The following LPIN2 variants were observed in gnomAD, a reference collection of about 807,000 sequenced individuals.
LPIN2 encodes the protein lipin 2, also known as phosphatidate phosphatase LPIN2.
LPIN2 carries 55 observed loss-of-function variants against 111.4 expected under a neutral mutation model. That is an observed-to-expected ratio of 0.49 (90% CI 0.40 to 0.62). LPIN2 has a LOEUF of 0.62. Ranked by LOEUF, LPIN2 falls within the 20% of genes least tolerant of loss-of-function variation. The probability of loss-of-function intolerance (pLI) is 0.00; values close to 1 mark genes in which losing one functional copy is unlikely to be tolerated. For missense variants in LPIN2, 992 were observed against 1,112.1 expected, an observed-to-expected ratio of 0.89 and a Z score of 1.54; for synonymous variants, 425 against 414.0, an observed-to-expected ratio of 1.03 and a Z score of -0.32.
At chr18:3,010,335 T>C (rs1050430203) in intron 1 of LPIN2, among the ~76,000 whole-genome samples, 2 of 152,212 alleles carry the variant, frequency 1.3e-5, no homozygotes, top group Non-Finnish European at 2.9e-5. Flanking sequence ...CTCCAGGCTA[T>C]AATACCTTCA....
At chr18:2,941,684 C>T (rs626613) in intron 4 of LPIN2, among the ~76,000 whole-genome samples, 79,935 of 152,004 alleles carry the variant, frequency 0.53, 22,021 homozygotes, top group Non-Finnish European at 0.61. Context: ...CCCAGCACTT[C>T]GGAAGGCCGA....
Position 2,925,197 on chromosome 18 carries a change from GGAC to G in LPIN2, c.1938+24_1938+26del. On this transcript the variant is annotated intron_variant, in intron 14 of 19. Transcript: ENST00000677752. This position sits in a 1 kb window ranked among gnomAD's most constrained non-coding sequence, Gnocchi z 4.1. Reference sequence around the variant, plus strand: ...AACCATTACTAAAATAAGTCCTACTGGACAACACAGATCATGCAAGACTCACGA... The same window carrying G: ...AACCATTACTAAAATAAGTCCTACTGAACACAGATCATGCAAGACTCACGA... 1 of 1,613,926 alleles carries G rather than the reference GGAC, an allele frequency of 6.2e-7. No homozygotes were observed. Among genetic ancestry groups the G allele is most frequent in the Non-Finnish European group, 8.5e-7 (1 of 1,179,834 alleles).
chr18:2,945,795 G>A, intron 4 of LPIN2: 1 of 1,336,736 alleles, frequency 7.5e-7, no homozygotes, highest in Non-Finnish European at 1.1e-6. Context: ...TTCTGGAAGT[G>A]AATTTTTAGC....
At chr18:3,005,581 G>T (rs2078501499) in intron 1 of LPIN2, among the ~76,000 whole-genome samples, 1 of 151,988 alleles carries the variant, frequency 6.6e-6, no homozygotes, top group Non-Finnish European at 1.5e-5. Flanking sequence ...GGAGGCACAG[G>T]CAAGAGGATT....
intron 12 of LPIN2, among the ~76,000 whole-genome samples, chr18:2,927,184 G>T (rs1345154878): frequency 6.6e-6 from 1 of 152,184 alleles, no homozygotes; most frequent in Non-Finnish European, 1.5e-5. Context: ...ACTTGGTTCA[G>T]GCAAGACTTC....
intron 1 of LPIN2, among the ~76,000 whole-genome samples, chr18:2,975,473 T>C (rs1567847940): frequency 6.6e-6 from 1 of 152,186 alleles, no homozygotes. Flanking sequence ...TAGCCGGGAC[T>C]ACAGGCGCGT....
At chr18:2,970,240 TG>T (rs2077884780) in intron 1 of LPIN2, among the ~76,000 whole-genome samples, 1 of 152,218 alleles carries the variant, frequency 6.6e-6, no homozygotes, top group South Asian at 2.1e-4. Context: ...CAGGGCTCCC[TG>T]GATTTCAATG....
intron 3 of LPIN2, 117 bp downstream of exon 3, chr18:2,954,387 T>C (rs940302914): frequency 1.4e-5 from 10 of 735,666 alleles, no homozygotes; most frequent in Admixed American, 1.0e-4. Flanking sequence ...AAGCTTGTCT[T>C]GCCAACAACA....
At chr18:2,972,920 A>C (rs1368430097) in intron 1 of LPIN2, among the ~76,000 whole-genome samples, 1 of 152,208 alleles carries the variant, frequency 6.6e-6, no homozygotes, top group Non-Finnish European at 1.5e-5. Flanking sequence ...ACCTCTGTAC[A>C]TGAGGTGACA....
At chr18:2,944,333 C>CTTTTTTTTTTTTTTTTT (rs768515839) in intron 4 of LPIN2, among the ~76,000 whole-genome samples, 1 of 51,350 alleles carries the variant, frequency 1.9e-5, no homozygotes, top group African/African-American at 6.6e-5. Flanking sequence ...TTTCCACAAA[C>CTTTTTTTTTTTTTTTTT]TTTTTTTTTT....
rs141235922 is a variant in LPIN2, at chr18:2,952,680, C to T, written c.289-1324G>A. Among the ~76,000 whole-genome samples, 1,170 of 152,266 alleles carry T rather than the reference C, an allele frequency of 7.7e-3. 10 individuals are homozygous for T. Among genetic ancestry groups the T allele is most frequent in the African/African-American group, 0.027 (1,114 of 41,518 alleles). Reference sequence around the variant, plus strand: ...AGAAACCCAGATGAGAGGTCGTGGTCTCTGACTTTGAGGATTTTTAATTCA... The same window carrying T: ...AGAAACCCAGATGAGAGGTCGTGGTTTCTGACTTTGAGGATTTTTAATTCA... On this transcript the variant is annotated intron_variant, in intron 3 of 19. Transcript: ENST00000677752.
At chr18:2,962,344 A>G (rs1367908396) in intron 1 of LPIN2, among the ~76,000 whole-genome samples, 3 of 152,236 alleles carry the variant, frequency 2.0e-5, no homozygotes, top group Non-Finnish European at 1.5e-5. Flanking sequence ...TTACTCCTAA[A>G]TAACAAAATA....
chr18:2,938,326 T>C (rs1598541768), intron 6 of LPIN2, among the ~76,000 whole-genome samples: 1 of 152,024 alleles, frequency 6.6e-6, no homozygotes, highest in African/African-American at 2.4e-5. Flanking sequence ...GAGTTCGAGA[T>C]TAGCCTGGCC....
chr18:2,934,803 G>A (rs966446261), intron 7 of LPIN2, among the ~76,000 whole-genome samples: 10 of 152,152 alleles, frequency 6.6e-5, no homozygotes, highest in Admixed American at 3.3e-4. Context: ...CATTGGGAAC[G>A]AGGGCATTAC....
intron 4 of LPIN2, among the ~76,000 whole-genome samples, chr18:2,949,094 T>C (rs1311090262): frequency 6.6e-6 from 1 of 152,176 alleles, no homozygotes; most frequent in Non-Finnish European, 1.5e-5. Flanking sequence ...TGGGCTACCG[T>C]GCCCGGCCTT....
intron 1 of LPIN2, among the ~76,000 whole-genome samples, chr18:3,004,573 C>G (rs1236183897): frequency 6.6e-6 from 1 of 152,132 alleles, no homozygotes; most frequent in Non-Finnish European, 1.5e-5. Flanking sequence ...CCATGTAACC[C>G]AGGAGTCACA....
At chr18:2,944,737 G>C (rs2077423044) in intron 4 of LPIN2, among the ~76,000 whole-genome samples, 1 of 152,074 alleles carries the variant, frequency 6.6e-6, no homozygotes, top group Admixed American at 6.6e-5. Flanking sequence ...TTAACTAAAG[G>C]TTTTAAGAGG....
intron 7 of LPIN2, among the ~76,000 whole-genome samples, chr18:2,935,600 C>A (rs2077274896): frequency 6.6e-6 from 1 of 151,994 alleles, no homozygotes. Flanking sequence ...GGAAACAGGC[C>A]AGCTAAAAAA....
At chr18:2,981,171 G>A (rs1035516657) in intron 1 of LPIN2, among the ~76,000 whole-genome samples, 1 of 152,176 alleles carries the variant, frequency 6.6e-6, no homozygotes, top group Non-Finnish European at 1.5e-5. Context: ...CAAAAGGGGT[G>A]CCCAGAAAGG....
Sources: gnomAD v4.1 joint callset for allele counts (sites outside exome capture counted in the v4.1 genomes callset) on GRCh38, gnomAD v4.1.1 for gene constraint, Gnocchi (gnomAD v3.1) non-coding constraint, MANE v1.5 for transcripts, NCBI Gene and HGNC (gene_info 2026-07-23, HGNC 2026-07-21) for gene names.